ZIM2: variants seen among roughly 807,000 people sequenced by gnomAD.
ZIM2 encodes the protein zinc finger imprinted 2.
A neutral mutation model predicts 38.6 loss-of-function variants in ZIM2; 14 were observed. That is an observed-to-expected ratio of 0.36 (90% CI 0.24 to 0.57). The LOEUF (loss-of-function observed/expected upper bound fraction) is 0.57, where lower values mean the gene tolerates loss of function less well. Ranked by LOEUF, ZIM2 falls within the 20% of genes least tolerant of loss-of-function variation. The pLI, the probability that ZIM2 is intolerant of heterozygous loss-of-function variation, is 0.81. For missense variants in ZIM2, 680 were observed against 695.1 expected (o/e 0.98, Z 0.24); for synonymous variants, 247 against 245.8 (o/e 1.00, Z -0.04).
At chr19:56,807,537 A>C (rs977191455) in intron 9 of ZIM2, among the ~76,000 whole-genome samples, 1 of 152,220 alleles carries the variant, frequency 6.6e-6, no homozygotes, top group Admixed American at 6.5e-5. Flanking sequence ...GGCCAGGCAC[A>C]GTGGCTCACG....
intron 10 of ZIM2, among the ~76,000 whole-genome samples, chr19:56,787,132 G>C (rs141544817): frequency 6.6e-6 from 1 of 152,044 alleles, no homozygotes; most frequent in Non-Finnish European, 1.5e-5. Flanking sequence ...CACTGCACCC[G>C]GTCTGTACTG....
At chr19:56,806,410 G>A (rs986987419) in intron 9 of ZIM2, among the ~76,000 whole-genome samples, 1 of 152,114 alleles carries the variant, frequency 6.6e-6, no homozygotes, top group East Asian at 1.9e-4. Flanking sequence ...CTACATTCCA[G>A]CCTGTGGGGA....
At chr19:56,787,466 G>A (rs1314624914) in intron 10 of ZIM2, among the ~76,000 whole-genome samples, 1 of 152,044 alleles carries the variant, frequency 6.6e-6, no homozygotes, top group African/African-American at 2.4e-5. Context: ...AGTAGAGACG[G>A]GGTTTCACCA....
intron 9 of ZIM2, chr19:56,810,591 A>T (rs2048066013): frequency 1.1e-6 from 1 of 930,196 alleles, no homozygotes; most frequent in Non-Finnish European, 1.3e-6. Context: ...AATGGAAAAT[A>T]CATACATAAA....
Position 56,814,425 on chromosome 19 carries a change from C to T in ZIM2, c.490+3321G>A. 2.5e-6 allele frequency: 4 copies of T among 1,613,832 alleles called. No homozygotes were observed. Among genetic ancestry groups the T allele is most frequent in the Non-Finnish European group, 3.4e-6 (4 of 1,179,706 alleles). On this transcript the variant is annotated intron_variant, in intron 9 of 12. Transcript: ENST00000629319. The surrounding 1 kb of genome is among the most constrained non-coding windows in gnomAD (Gnocchi z 5.8). ...TGAGGACTGTGCTATGAATAAAGGACTTACCACAATCCTTGCATTCATAGA... is the reference window on the plus strand; with the variant it reads ...TGAGGACTGTGCTATGAATAAAGGATTTACCACAATCCTTGCATTCATAGA...
Position 56,834,903 on chromosome 19 carries a change from TGATCCTGTCCTG to T in ZIM2, c.-227+1103_-227+1114del, listed in dbSNP as rs1373079651. Among the ~76,000 whole-genome samples the T allele has an allele frequency of 6.6e-5, 10 of 152,236 alleles. No individual in the cohort carries two copies. The East Asian group carries it at 1.9e-3, about 29-fold the overall frequency. ...ACTTCTGGAGACTCTAAGCCTGGCA[TGATCCTGTCCTG>T]GATCAGGCCCAGTATCAATGCTTGC... On this transcript the variant is annotated intron_variant, in intron 2 of 12. Coordinates refer to ENST00000629319, the MANE Select transcript of ZIM2 (RefSeq NM_001387356.1).
At chr19:56,815,785 C>T (rs1262947619) in intron 9 of ZIM2, 2 of 1,613,566 alleles carry the variant, frequency 1.2e-6, no homozygotes, top group African/African-American at 2.7e-5. Context: ...GCGATTCTTA[C>T]TGCCCCCTTC....
Position 56,814,058 on chromosome 19 carries a change from C to T in ZIM2, c.490+3688G>A, listed in dbSNP as rs2059742586. 6.2e-7 allele frequency: 1 copy of T among 1,614,052 alleles called. No individual in the cohort carries two copies. Among genetic ancestry groups the T allele is most frequent in the African/African-American group, 1.3e-5 (1 of 74,912 alleles). On this transcript the variant is annotated intron_variant, in intron 9 of 12. Coordinates refer to ENST00000629319, the MANE Select transcript of ZIM2 (RefSeq NM_001387356.1). The surrounding 1 kb of genome is among the most constrained non-coding windows in gnomAD (Gnocchi z 5.8). ...CCCTCTGGCTCTTCAGCTCTTTCTT[C>T]TGGGTCTTCAATACCTGCACCATCT...
intron 11 of ZIM2, among the ~76,000 whole-genome samples, chr19:56,779,681 C>T (rs1318489133): frequency 6.6e-6 from 1 of 152,080 alleles, no homozygotes. Context: ...GGGAGGGGTT[C>T]CTAGTGTCTA....
chr19:56,775,928 T>C (rs947168593), intron 12 of ZIM2, among the ~76,000 whole-genome samples: 2 of 151,736 alleles, frequency 1.3e-5, no homozygotes, highest in African/African-American at 4.8e-5. Context: ...GGTGAAACCC[T>C]GTCTCTACTA....
chr19:56,817,294 G>T, intron 9 of ZIM2: 1 of 1,614,098 alleles, frequency 6.2e-7, no homozygotes, highest in Non-Finnish European at 8.5e-7. Context: ...TCTCTTTCTG[G>T]AAACAAGGGT....
At chr19:56,821,798 T>A in intron 6 of ZIM2, 44 bp from the exon 7 acceptor site, 1 of 1,605,234 alleles carries the variant, frequency 6.2e-7, no homozygotes, top group South Asian at 1.1e-5. Context: ...GCCCAGTCCA[T>A]CCTGCAGGTC....
chr19:56,820,804 C>T (rs2146285866), intron 7 of ZIM2, among the ~76,000 whole-genome samples: 1 of 152,342 alleles, frequency 6.6e-6, no homozygotes, highest in Admixed American at 6.5e-5. Flanking sequence ...GGCAGGGCCC[C>T]TCTCTGTGTT....
intron 4 of ZIM2, 37 bp downstream of exon 4, chr19:56,824,225 C>A: frequency 6.2e-7 from 1 of 1,601,452 alleles, no homozygotes; most frequent in Non-Finnish European, 8.5e-7. Flanking sequence ...ACACCTGAGG[C>A]CTGCACTGAC....
At chr19:56,788,072 T>G (rs1036793034) in intron 10 of ZIM2, among the ~76,000 whole-genome samples, 1 of 151,786 alleles carries the variant, frequency 6.6e-6, no homozygotes, top group Admixed American at 6.6e-5. Flanking sequence ...CATTGATTTT[T>G]TTTGAAGGGT....
Position 56,817,729 on chromosome 19 carries a change from AT to A in ZIM2, c.490+16del. On this transcript the variant is annotated intron_variant, in intron 9 of 12. Coordinates refer to ENST00000629319, the MANE Select transcript of ZIM2 (RefSeq NM_001387356.1). Reference sequence around the variant, plus strand: ...ACTGGTTGTGTGGCTCCTCTGTGGGATGTGCCTCCTGCTTACCTCGACTGGT... The same window carrying A: ...ACTGGTTGTGTGGCTCCTCTGTGGGAGTGCCTCCTGCTTACCTCGACTGGT... 6.2e-7 allele frequency: 1 copy of A among 1,608,474 alleles called. No individual in the cohort carries two copies. The highest frequency in any genetic ancestry group is 8.5e-7 in the Non-Finnish European group (1 of 1,174,914).
intron 9 of ZIM2, chr19:56,810,241 T>C: frequency 2.0e-6 from 2 of 983,556 alleles, no homozygotes; most frequent in Non-Finnish European, 2.4e-6. Context: ...GAGTTTCTCT[T>C]CTACATTTCT....
chr19:56,821,798 T>C, intron 6 of ZIM2, 44 bp from the exon 7 acceptor site: 2 of 1,605,234 alleles, frequency 1.2e-6, no homozygotes, highest in Non-Finnish European at 1.7e-6. Context: ...GCCCAGTCCA[T>C]CCTGCAGGTC....
chr19:56,776,888 C>T (rs190508978), intron 12 of ZIM2, among the ~76,000 whole-genome samples: 16 of 152,242 alleles, frequency 1.1e-4, no homozygotes, highest in Non-Finnish European at 1.6e-4. Flanking sequence ...TGAAAATATA[C>T]AGTCCTGGGG....
Sources: allele counts gnomAD v4.1 joint callset (sites outside exome capture counted in the v4.1 genomes callset), GRCh38; gene constraint gnomAD v4.1.1; non-coding constraint Gnocchi (gnomAD v3.1); transcripts MANE v1.5; gene names NCBI Gene and HGNC (gene_info 2026-07-23, HGNC 2026-07-21).